The following MAST1 variants were observed in gnomAD, a reference collection of about 807,000 sequenced individuals.
MAST1 encodes microtubule associated serine/threonine kinase 1.
Under a neutral mutation model 124.6 loss-of-function variants are expected in MAST1, and 40 were observed. The ratio of observed to expected loss-of-function variants is 0.32; its 90% CI spans 0.25 to 0.42. The LOEUF (loss-of-function observed/expected upper bound fraction) is 0.42, where lower values mean the gene tolerates loss of function less well. Ranked by LOEUF, MAST1 falls within the 10% of genes least tolerant of loss-of-function variation. The pLI is 1.00. For missense variants in MAST1, 1,558 were observed against 2,181.9 expected, an observed-to-expected ratio of 0.71 and a Z score of 5.70; for synonymous variants, 938 against 939.4, an observed-to-expected ratio of 1.00 and a Z score of 0.03.
intron 7 of MAST1, among the ~76,000 whole-genome samples, chr19:12,850,953 T>C (rs950299365): frequency 5.6e-4 from 35 of 62,148 alleles, no homozygotes; most frequent in Non-Finnish European, 7.6e-4. Context: ...TTTTCTTTTC[T>C]TTTTTTTTTT....
In MAST1 at chr19:12,865,698, G is replaced by A. The variant is rs1249711396; in HGVS notation, c.1805-19G>A. 3 of 1,596,370 alleles carry A rather than the reference G, an allele frequency of 1.9e-6. No individual in the cohort carries two copies. Among genetic ancestry groups the A allele is most frequent in the East Asian group, 2.2e-5 (1 of 44,702 alleles). ...CAACAACAACAAAAACCGCCCCTAA[G>A]TTCCGTTTTGTTTTGCAGATGACAT... On this transcript the variant is annotated intron_variant, in intron 15 of 25. Coordinates refer to ENST00000251472, the MANE Select transcript of MAST1 (RefSeq NM_014975.3). This position sits in a 1 kb window ranked among gnomAD's most constrained non-coding sequence, Gnocchi z 7.1.
At chr19:12,846,611 T>C (rs1969897085) in intron 4 of MAST1, among the ~76,000 whole-genome samples, 1 of 152,060 alleles carries the variant, frequency 6.6e-6, no homozygotes, top group Admixed American at 6.6e-5. Context: ...GTGCGGTGGC[T>C]TGTGCCTGTA....
chr19:12,861,969 G>A (rs986839930), intron 12 of MAST1, among the ~76,000 whole-genome samples: 7 of 148,982 alleles, frequency 4.7e-5, no homozygotes, highest in African/African-American at 1.5e-4. Context: ...CCAAAGTGCT[G>A]GGATTACAGG....
In MAST1 at chr19:12,838,797, T is replaced by C. The variant is rs1969791176; in HGVS notation, c.83+142T>C. 2.7e-6 allele frequency: 2 copies of C among 728,386 alleles called. No homozygotes were observed. The highest frequency in any genetic ancestry group is 4.3e-6 in the Non-Finnish European group (2 of 468,378). 45.1% of individuals were successfully genotyped at this position (728,386 alleles called of 1,614,324 possible). On this transcript the variant is annotated intron_variant, in intron 1 of 25. Coordinates refer to ENST00000251472, the MANE Select transcript of MAST1 (RefSeq NM_014975.3). The surrounding 1 kb of genome is among the most constrained non-coding windows in gnomAD (Gnocchi z 4.3). ...CCCCAGCTGCGCCTTCCCGCCGGGG[T>C]TGGGGTTGAATGGGGGGTGGTGTGG...
At position 12,865,930 on chromosome 19, in the gene MAST1, T is replaced by G. The variant is rs561458416; in HGVS notation, c.1907-50T>G. Reference sequence around the variant, plus strand: ...GGGCGGAAGACATGGGGGGCGGGGCTGGGCTGCTGGGTTGGCCATCAGCTG... The same window carrying G: ...GGGCGGAAGACATGGGGGGCGGGGCGGGGCTGCTGGGTTGGCCATCAGCTG... On this transcript the variant is annotated intron_variant, in intron 16 of 25. Coordinates refer to ENST00000251472, the MANE Select transcript of MAST1 (RefSeq NM_014975.3). This position sits in a 1 kb window ranked among gnomAD's most constrained non-coding sequence, Gnocchi z 7.1. The G allele has an allele frequency of 1.4e-4, 231 of 1,612,010 alleles. No homozygotes were observed. The highest frequency in any genetic ancestry group is 2.7e-4 in the African/African-American group (20 of 74,966).
Position 12,869,245 on chromosome 19 carries a change from C to T in MAST1, c.2953C>T (p.Arg985Cys). 1 of 1,614,098 alleles carries T rather than the reference C, an allele frequency of 6.2e-7. No individual in the cohort carries two copies. Among genetic ancestry groups the T allele is most frequent in the Non-Finnish European group, 8.5e-7 (1 of 1,180,020 alleles). ...GTATGGCTTCACACTGCGTGCCATC[C>T]GTGTCTACATGGGTGACACGGATGT... ...KKYGFTLRAI[R>C]VYMGDTDVYS... Residue 985 changes from arginine to cysteine, a missense_variant, in exon 22 of 26, where the codon CGT (arginine) becomes TGT (cysteine). Around this residue, in one of 10 missense-constraint regions of MAST1, gnomAD observed 291 missense variants for 475.8 expected, o/e 0.61. Coordinates refer to ENST00000251472, the MANE Select transcript of MAST1 (RefSeq NM_014975.3).
intron 1 of MAST1, among the ~76,000 whole-genome samples, chr19:12,839,656 G>A (rs982308848): frequency 5.9e-5 from 9 of 152,208 alleles, no homozygotes; most frequent in African/African-American, 2.2e-4. Context: ...ACATACACAT[G>A]GACAAGCATG....
In MAST1 at chr19:12,865,124, C is replaced by A. The variant is rs1489643621; in HGVS notation, c.1584C>A (p.Thr528=). The change falls in exon 14 of 26, where the codon ACC becomes ACA. Residue 528 remains threonine, a synonymous_variant. Coordinates refer to ENST00000251472, the MANE Select transcript of MAST1 (RefSeq NM_014975.3). The surrounding 1 kb of genome is among the most constrained non-coding windows in gnomAD (Gnocchi z 7.1). The stretch of plus-strand genomic sequence containing the variant: ...AGATGGGGCTCATGAGCCTCACCAC[C>A]AACTTATATGAAGGCCACATCGAGA... The part of the protein sequence containing the change: ...LSKMGLMSLT[T]NLYEGHIEKD... The A allele has an allele frequency of 1.2e-6, 2 of 1,614,142 alleles. No homozygotes were observed. Among genetic ancestry groups the A allele is most frequent in the Admixed American group, 1.7e-5 (1 of 60,018 alleles).
At chr19:12,860,397 T>C (rs776495357) in intron 12 of MAST1, among the ~76,000 whole-genome samples, 2 of 151,376 alleles carry the variant, frequency 1.3e-5, no homozygotes, top group Non-Finnish European at 2.9e-5. Context: ...ATTACAGGCG[T>C]GAACCACCAC....
At chr19:12,860,190 C>T (rs1970062979) in intron 12 of MAST1, among the ~76,000 whole-genome samples, 1 of 152,064 alleles carries the variant, frequency 6.6e-6, no homozygotes, top group Admixed American at 6.6e-5. Flanking sequence ...TCTCAGCTCA[C>T]TGCAAGCTCC....
At chr19:12,851,364 A>G (rs1479632380) in intron 7 of MAST1, among the ~76,000 whole-genome samples, 1 of 151,760 alleles carries the variant, frequency 6.6e-6, no homozygotes, top group Non-Finnish European at 1.5e-5. Context: ...CCTGGGCTCA[A>G]GTAATTCTCC....
intron 12 of MAST1, 55 bp downstream of exon 12, chr19:12,858,794 C>T (rs1256927478): frequency 1.9e-6 from 3 of 1,591,464 alleles, no homozygotes; most frequent in African/African-American, 1.3e-5. Flanking sequence ...CTGGTCAGGG[C>T]TGCGGGGTGG....
At chr19:12,840,195 C>T (rs541043190) in intron 1 of MAST1, among the ~76,000 whole-genome samples, 1 of 152,342 alleles carries the variant, frequency 6.6e-6, no homozygotes, top group African/African-American at 2.4e-5. Flanking sequence ...GACTATCACA[C>T]CATGACAGAC....
At chr19:12,871,288 C>T (rs1173592860) in intron 24 of MAST1, 116 bp downstream of exon 24, 1 of 1,450,628 alleles carries the variant, frequency 6.9e-7, no homozygotes, top group Non-Finnish European at 9.4e-7. Flanking sequence ...AACAAATGAC[C>T]AACAAGCAAA....
rs1332841085 is a variant in MAST1 at position 12,865,032 on chromosome 19, A to C, written c.1506-14A>C. 1 of 1,613,788 alleles carries C rather than the reference A, an allele frequency of 6.2e-7. No homozygotes were observed. The highest frequency in any genetic ancestry group is 1.3e-5 in the African/African-American group (1 of 75,002). Reference sequence around the variant, plus strand: ...GACGGGCCTCATCCCTGAGATCCCCACCTGTGCCTACAGCCTCCTTATCAC... The same window carrying C: ...GACGGGCCTCATCCCTGAGATCCCCCCCTGTGCCTACAGCCTCCTTATCAC... On this transcript the variant is annotated splice_polypyrimidine_tract_variant and intron_variant, in intron 13 of 25. Transcript: ENST00000251472. The surrounding 1 kb of genome is among the most constrained non-coding windows in gnomAD (Gnocchi z 7.1).
Position 12,847,183 on chromosome 19 carries a change from C to A in MAST1, c.328-107C>A. On this transcript the variant is annotated intron_variant, in intron 4 of 25. Coordinates refer to ENST00000251472, the MANE Select transcript of MAST1 (RefSeq NM_014975.3). This position sits in a 1 kb window ranked among gnomAD's most constrained non-coding sequence, Gnocchi z 5.5. Reference sequence around the variant, plus strand: ...CAAGGATCGTAAATCAGGTCCTGATCCTGGCCTTGCCCAGTGACCCCATCG... The same window carrying A: ...CAAGGATCGTAAATCAGGTCCTGATACTGGCCTTGCCCAGTGACCCCATCG... The A allele has an allele frequency of 2.8e-6, 2 of 721,394 alleles. No homozygotes were observed. Among genetic ancestry groups the A allele is most frequent in the Non-Finnish European group, 4.8e-6 (2 of 419,904 alleles). 44.7% of individuals were successfully genotyped at this position (721,394 alleles called of 1,614,324 possible).
Position 12,867,864 on chromosome 19 carries a change from G to C in MAST1, c.2453G>C (p.Arg818Pro). Residue 818 changes from arginine (R) to proline (P), a missense_variant, in exon 20 of 26, where the codon CGG becomes CCG. Physicochemically the swap from Arg to Pro is moderately radical, Grantham distance 103. This residue lies in a region of MAST1 where 287 missense variants were observed against 308.0 expected (regional missense o/e 0.93). Coordinates refer to ENST00000251472, the MANE Select transcript of MAST1 (RefSeq NM_014975.3). ...CCCCAAGAGGACGAGGATGAGGCCC[G>C]GCTGCGCAGGCCTCCCCGGCCCAGC... ...SAPQEDEDEARLRRPPRPSSD... is the reference protein window; with the variant it reads ...SAPQEDEDEAPLRRPPRPSSD... 2 of 1,606,828 alleles carry C rather than the reference G, an allele frequency of 1.2e-6. No individual in the cohort carries two copies. Among genetic ancestry groups the C allele is most frequent in the Non-Finnish European group, 1.7e-6 (2 of 1,177,320 alleles).
At chr19:12,840,674 C>T (rs1287217074) in intron 2 of MAST1, 140 bp downstream of exon 2, 9 of 683,772 alleles carry the variant, frequency 1.3e-5, no homozygotes, top group Non-Finnish European at 2.1e-5. Context: ...CGGGGCCATG[C>T]TTGTGTGGGT....
chr19:12,866,107 G>A lies in MAST1; in HGVS notation c.2029+5G>A. On this transcript the variant is annotated splice_donor_5th_base_variant and intron_variant, in intron 17 of 25. Coordinates refer to ENST00000251472, the MANE Select transcript of MAST1 (RefSeq NM_014975.3). This position sits in a 1 kb window ranked among gnomAD's most constrained non-coding sequence, Gnocchi z 5.2. ...ATGACACTAGCTACTTTGACAGTGA[G>A]CTGGGACACCAGGCACGACCTGGGT... The A allele has an allele frequency of 6.2e-7, 1 of 1,613,868 alleles. No individual in the cohort carries two copies. Among genetic ancestry groups the A allele is most frequent in the Non-Finnish European group, 8.5e-7 (1 of 1,180,016 alleles).
Sources: gnomAD v4.1 joint callset for allele counts (sites outside exome capture counted in the v4.1 genomes callset) on GRCh38, gnomAD v4.1.1 for gene constraint, gnomAD v4.1.1 regional missense constraint, Gnocchi (gnomAD v3.1) non-coding constraint, MANE v1.5 for transcripts, NCBI Gene and HGNC (gene_info 2026-07-23, HGNC 2026-07-21) for gene names.